Variants in SAE1 observed in about 807,000 individuals in gnomAD.
SAE1 encodes SUMO-activating enzyme subunit 1.
SAE1 carries 11 observed loss-of-function variants against 40.6 expected under a neutral mutation model. The observed-to-expected ratio is 0.27, with a 90% CI of 0.17 to 0.45. The LOEUF (loss-of-function observed/expected upper bound fraction) is 0.45. SAE1 is among the 20% of genes least tolerant of loss of function. The pLI, the probability that SAE1 is intolerant of heterozygous loss-of-function variation, is 1.00. For synonymous variants in SAE1, 155 were observed against 154.3 expected (o/e 1.00, Z -0.03); for missense variants, 373 against 427.3 (o/e 0.87, Z 1.12).
chr19:47,182,385 C>G (rs1223076727), intron 6 of SAE1, among the ~76,000 whole-genome samples: 1 of 151,914 alleles, frequency 6.6e-6, no homozygotes, highest in Non-Finnish European at 1.5e-5. Context: ...AATGGGGCAG[C>G]AGCTGAGTGC....
At chr19:47,168,792 CG>C (rs1302655733) in intron 5 of SAE1, among the ~76,000 whole-genome samples, 1 of 152,062 alleles carries the variant, frequency 6.6e-6, no homozygotes, top group African/African-American at 2.4e-5. Flanking sequence ...TTAATAGAGA[CG>C]GGGTTTCACT....
chr19:47,149,202 G>T (rs1426966946), intron 2 of SAE1, among the ~76,000 whole-genome samples: 1 of 115,588 alleles, frequency 8.7e-6, no homozygotes. Context: ...ACGGAGTCTT[G>T]CTCTGTTGCC....
Position 47,162,099 on chromosome 19 carries a change from C to T in SAE1, c.627+6886C>T, listed in dbSNP as rs78636570. Among the ~76,000 whole-genome samples, 135 of 152,372 alleles carry T rather than the reference C, an allele frequency of 8.9e-4. 1 individual carries two copies. The highest frequency in any genetic ancestry group is 3.1e-3 in the African/African-American group (127 of 41,590). On this transcript the variant is annotated intron_variant, in intron 5 of 8. Transcript: ENST00000270225. ...CATCTGTATTGCATAGCACAGATTA[C>T]ATTCTGTTCCATCATCACAGCTAGT...
At chr19:47,196,958 G>A (rs572241165) in intron 6 of SAE1, among the ~76,000 whole-genome samples, 7 of 152,036 alleles carry the variant, frequency 4.6e-5, no homozygotes, top group Non-Finnish European at 8.8e-5. Context: ...CGAGGCGGGC[G>A]GATCACGAGG....
chr19:47,167,189 A>G (rs1432562139), intron 5 of SAE1, among the ~76,000 whole-genome samples: 1 of 151,426 alleles, frequency 6.6e-6, no homozygotes, highest in African/African-American at 2.4e-5. Context: ...CCTGACCTCT[A>G]GTGATCCACC....
chr19:47,196,333 CTTTTTTTTT>C (rs61498882), intron 6 of SAE1, among the ~76,000 whole-genome samples: 3 of 27,886 alleles, frequency 1.1e-4, no homozygotes, highest in Non-Finnish European at 1.1e-4. Flanking sequence ...CCGCGCCTGG[CTTTTTTTTT>C]TTTTTTTTTT....
intron 6 of SAE1, among the ~76,000 whole-genome samples, chr19:47,191,102 T>G (rs1270760786): frequency 2.0e-5 from 3 of 152,278 alleles, no homozygotes; most frequent in African/African-American, 7.2e-5. Context: ...GAACTTCAGT[T>G]TCCTGATCTG....
chr19:47,140,808 C>T lies in SAE1; in HGVS notation c.99-2686C>T, dbSNP rs374326579. On this transcript the variant is annotated intron_variant, in intron 1 of 8. Transcript: ENST00000270225. The stretch of plus-strand genomic sequence containing the variant: ...GAGACCCTGTTTCAATAAAACAAAA[C>T]GTAAACATGGTATTTGGTGTTGATG... Among the ~76,000 whole-genome samples, 21 of 152,106 alleles carry T rather than the reference C, an allele frequency of 1.4e-4. No homozygotes were observed. The South Asian group carries it at 3.9e-3, about 29-fold the overall frequency.
chr19:47,188,224 G>A (rs1011272528), intron 6 of SAE1, among the ~76,000 whole-genome samples: 24 of 152,150 alleles, frequency 1.6e-4, no homozygotes, highest in Middle Eastern at 3.4e-3. Context: ...GGTGGTGCAT[G>A]CCTGTAGTCC....
At chr19:47,179,210 AAAG>A (rs1450464662) in intron 6 of SAE1, among the ~76,000 whole-genome samples, 1 of 149,052 alleles carries the variant, frequency 6.7e-6, no homozygotes, top group Non-Finnish European at 1.5e-5. Context: ...AAAAAAAAAG[AAAG>A]AAAAATCTCT....
At chr19:47,208,624 C>T (rs754633314) in intron 8 of SAE1, among the ~76,000 whole-genome samples, 14 of 152,136 alleles carry the variant, frequency 9.2e-5, no homozygotes, top group Middle Eastern at 3.2e-3. Flanking sequence ...CAGGTTTCAC[C>T]GTGTTGGCCA....
chr19:47,169,091 T>C (rs966905581), intron 5 of SAE1, among the ~76,000 whole-genome samples: 1 of 152,214 alleles, frequency 6.6e-6, no homozygotes, highest in African/African-American at 2.4e-5. Context: ...TATTATGTCA[T>C]CCATCATCAT....
chr19:47,141,857 A>G (rs1222609958), intron 1 of SAE1, among the ~76,000 whole-genome samples: 1 of 152,188 alleles, frequency 6.6e-6, no homozygotes, highest in Non-Finnish European at 1.5e-5. Context: ...GTTTGGTTAC[A>G]TGATGCAGCC....
chr19:47,168,460 C>T (rs1339439573), intron 5 of SAE1, among the ~76,000 whole-genome samples: 1 of 152,048 alleles, frequency 6.6e-6, no homozygotes, highest in Non-Finnish European at 1.5e-5. Context: ...CATGCCACTG[C>T]ACCCAGCTAA....
At chr19:47,148,348 G>A (rs2058266873) in intron 2 of SAE1, among the ~76,000 whole-genome samples, 1 of 152,044 alleles carries the variant, frequency 6.6e-6, no homozygotes, top group African/African-American at 2.4e-5. Context: ...TGCTGTGGAT[G>A]GTTGGTAGGA....
In SAE1 at chr19:47,169,900, C is replaced by T; in HGVS notation, c.710C>T (p.Thr237Ile). The change falls in exon 6 of 9, where the codon ACC (threonine) becomes ATC (isoleucine). Residue 237 changes from threonine to isoleucine, a missense_variant. Coordinates refer to ENST00000270225, the MANE Select transcript of SAE1 (RefSeq NM_005500.3). Reference sequence around the variant, plus strand: ...GCAAAGGCTGCTCTGAAGCGCACGACCTCCGACTACTTTCTCCTTCAAGGT... The same window carrying T: ...GCAAAGGCTGCTCTGAAGCGCACGATCTCCGACTACTTTCTCCTTCAAGGT... ...EKAKAALKRT[T>I]SDYFLLQVLL... is the part of the protein sequence containing the mutation. 5.0e-6 allele frequency: 8 copies of T among 1,613,938 alleles called. No individual in the cohort carries two copies. The highest frequency in any genetic ancestry group is 6.8e-6 in the Non-Finnish European group (8 of 1,179,786).
intron 6 of SAE1, among the ~76,000 whole-genome samples, chr19:47,173,944 C>T (rs927445332): frequency 6.6e-6 from 1 of 152,026 alleles, no homozygotes; most frequent in African/African-American, 2.4e-5. Context: ...GCCACTATGC[C>T]TGGCTAATTT....
intron 6 of SAE1, among the ~76,000 whole-genome samples, chr19:47,177,896 C>G (rs978995263): frequency 1.3e-5 from 2 of 151,986 alleles, no homozygotes; most frequent in Non-Finnish European, 2.9e-5. Flanking sequence ...GGCTGAGCCT[C>G]GGAGGGGACT....
At chr19:47,191,677 A>G (rs912036286) in intron 6 of SAE1, among the ~76,000 whole-genome samples, 2 of 152,132 alleles carry the variant, frequency 1.3e-5, no homozygotes, top group East Asian at 1.9e-4. Flanking sequence ...ACAAGCACCA[A>G]CTGTCACAAG....
Sources: allele counts gnomAD v4.1 joint callset (sites outside exome capture counted in the v4.1 genomes callset), GRCh38; gene constraint gnomAD v4.1.1; transcripts MANE v1.5; gene names NCBI Gene and HGNC (gene_info 2026-07-23, HGNC 2026-07-21).